Variants in AGBL1 observed in about 807,000 individuals in gnomAD.
AGBL1 encodes AGBL carboxypeptidase 1, also known as cytosolic carboxypeptidase 4.
AGBL1 carries 130 observed loss-of-function variants against 118.9 expected under a neutral mutation model. That is an observed-to-expected ratio of 1.09 (90% confidence interval 0.95 to 1.26). AGBL1 has a LOEUF of 1.26. AGBL1 is among the 50% of genes most tolerant of loss of function. The probability of loss-of-function intolerance (pLI) is 0.00; values close to 1 mark genes in which losing one functional copy is unlikely to be tolerated. For synonymous variants in AGBL1, 555 were observed against 478.9 expected (o/e 1.16, Z -2.08); for missense variants, 1,584 against 1,298.1 (o/e 1.22, Z -3.38).
chr15:86,306,676 A>G (rs1208985744), intron 17 of AGBL1, among the ~76,000 whole-genome samples: 1 of 152,176 alleles, frequency 6.6e-6, no homozygotes, highest in Admixed American at 6.5e-5. Context: ...TTTTGAGTAT[A>G]TATCCAGCAG....
At chr15:86,782,635 C>T (rs2078351075) in intron 22 of AGBL1, among the ~76,000 whole-genome samples, 1 of 152,078 alleles carries the variant, frequency 6.6e-6, no homozygotes, top group South Asian at 2.1e-4. Flanking sequence ...TTAATTTTTG[C>T]TTCAAGTTGA....
intron 18 of AGBL1, among the ~76,000 whole-genome samples, chr15:86,502,894 C>A (rs549878129): frequency 6.6e-6 from 1 of 151,408 alleles, no homozygotes; most frequent in South Asian, 2.1e-4. Flanking sequence ...CCCATGATAT[C>A]TTTGGTTTTG....
At chr15:86,357,202 G>T (rs1439471673) in intron 17 of AGBL1, among the ~76,000 whole-genome samples, 1 of 152,182 alleles carries the variant, frequency 6.6e-6, no homozygotes, top group Admixed American at 6.5e-5. Flanking sequence ...GCTGATGAAG[G>T]ATTAAAGAGT....
chr15:86,362,657 A>G (rs1203857359), intron 17 of AGBL1, among the ~76,000 whole-genome samples: 1 of 152,148 alleles, frequency 6.6e-6, no homozygotes, highest in East Asian at 1.9e-4. Flanking sequence ...GCTGAGACTG[A>G]GGTGGGAGGG....
At chr15:87,017,422 A>G (rs144351051) in intron 24 of AGBL1, among the ~76,000 whole-genome samples, 4,370 of 152,194 alleles carry the variant, frequency 0.029, 88 homozygotes, top group Middle Eastern at 0.058. Flanking sequence ...TGAGCTTCTC[A>G]AGGAAGAAGC....
At position 86,279,624 on chromosome 15, in the gene AGBL1, C is replaced by T; in HGVS notation, c.2076-15C>T. The T allele has an allele frequency of 1.2e-6, 2 of 1,612,250 alleles. No homozygotes were observed. Among genetic ancestry groups the T allele is most frequent in the Non-Finnish European group, 1.7e-6 (2 of 1,178,510 alleles). ...CTCTCCCTTATTCTCTTCTCTTCTC[C>T]TCCTCTCTCTTTAGAAATCATTATC... On this transcript the variant is annotated splice_polypyrimidine_tract_variant and intron_variant, in intron 15 of 22. Transcript: ENST00000614907.
intron 1 of AGBL1, among the ~76,000 whole-genome samples, chr15:86,105,778 C>G (rs1897019707): frequency 6.6e-6 from 1 of 152,200 alleles, no homozygotes; most frequent in Admixed American, 6.5e-5. Flanking sequence ...TCTAGGCCAA[C>G]CCAATCACAG....
chr15:86,119,417 C>T (rs1897955771), intron 1 of AGBL1, among the ~76,000 whole-genome samples: 1 of 151,946 alleles, frequency 6.6e-6, no homozygotes, highest in African/African-American at 2.4e-5. Flanking sequence ...TCTCAACTAT[C>T]CCCACATCCT....
At chr15:86,925,370 C>G (rs1019841954) in intron 23 of AGBL1, among the ~76,000 whole-genome samples, 1 of 152,064 alleles carries the variant, frequency 6.6e-6, no homozygotes. Flanking sequence ...AAGGAACACC[C>G]TTTGAGAACT....
chr15:87,009,760 C>T (rs977996947), intron 24 of AGBL1, among the ~76,000 whole-genome samples: 1 of 152,166 alleles, frequency 6.6e-6, no homozygotes, highest in Non-Finnish European at 1.5e-5. Context: ...TAAGACATGG[C>T]GTCAAAGGAG....
intron 22 of AGBL1, among the ~76,000 whole-genome samples, chr15:86,718,982 A>G (rs2142713378): frequency 6.6e-6 from 1 of 152,226 alleles, no homozygotes; most frequent in South Asian, 2.1e-4. Flanking sequence ...CTAACTGCCT[A>G]ATGAAATCAA....
chr15:86,115,332 A>T (rs1897687168), intron 1 of AGBL1, among the ~76,000 whole-genome samples: 1 of 152,168 alleles, frequency 6.6e-6, no homozygotes, highest in Non-Finnish European at 1.5e-5. Flanking sequence ...AAGCAGTACC[A>T]CTAGGTTGTG....
intron 21 of AGBL1, among the ~76,000 whole-genome samples, chr15:86,568,259 A>T (rs1489162345): frequency 1.3e-5 from 2 of 152,154 alleles, no homozygotes; most frequent in East Asian, 3.9e-4. Context: ...GAGTTTAAGA[A>T]CAGATATATA....
chr15:86,328,022 C>G (rs779555917), intron 17 of AGBL1, among the ~76,000 whole-genome samples: 1 of 152,166 alleles, frequency 6.6e-6, no homozygotes, highest in Non-Finnish European at 1.5e-5. Context: ...CTCTGTTTTC[C>G]TCTTTCTTAA....
intron 22 of AGBL1, among the ~76,000 whole-genome samples, chr15:86,809,580 G>C (rs959020780): frequency 6.6e-6 from 1 of 152,114 alleles, no homozygotes; most frequent in Non-Finnish European, 1.5e-5. Flanking sequence ...TACTTCATTG[G>C]CTGGAACATT....
At chr15:86,513,536 C>T (rs952606986) in intron 18 of AGBL1, among the ~76,000 whole-genome samples, 2 of 151,994 alleles carry the variant, frequency 1.3e-5, no homozygotes, top group African/African-American at 2.4e-5. Flanking sequence ...TAGTAAGTGT[C>T]TTGTGGGGAG....
chr15:86,169,254 C>T (rs941622148), intron 5 of AGBL1, among the ~76,000 whole-genome samples: 1 of 152,166 alleles, frequency 6.6e-6, no homozygotes, highest in Non-Finnish European at 1.5e-5. Context: ...TGGAGATCTT[C>T]AGGGATTACC....
chr15:86,584,264 C>T (rs1378006903), intron 21 of AGBL1, among the ~76,000 whole-genome samples: 2 of 152,078 alleles, frequency 1.3e-5, no homozygotes, highest in Non-Finnish European at 2.9e-5. Context: ...TTCCCAAGGT[C>T]AATGTCCAGA....
At chr15:86,090,949 C>T (rs1297193447) in intron 1 of AGBL1, among the ~76,000 whole-genome samples, 1 of 152,130 alleles carries the variant, frequency 6.6e-6, no homozygotes, top group Non-Finnish European at 1.5e-5. Context: ...TTCTGTACCA[C>T]CCAATAGAGC....
Sources: gnomAD v4.1 joint callset for allele counts (sites outside exome capture counted in the v4.1 genomes callset) on GRCh38, gnomAD v4.1.1 for gene constraint, MANE v1.5 for transcripts, NCBI Gene and HGNC (gene_info 2026-07-23, HGNC 2026-07-21) for gene names.